Variants in PRPH observed in about 807,000 individuals in gnomAD.
PRPH encodes the protein neurofilament 4 (57kD).
PRPH carries 48 observed loss-of-function variants against 52.6 expected under a neutral mutation model. The observed-to-expected ratio is 0.91, with a 90% CI of 0.72 to 1.16. PRPH has a LOEUF of 1.16. Ranked by LOEUF, PRPH falls within the 50% of genes most tolerant of loss-of-function variation. The pLI, the probability that PRPH is intolerant of heterozygous loss-of-function variation, is 0.00. For missense variants in PRPH, 579 were observed against 635.7 expected, an observed-to-expected ratio of 0.91 and a Z score of 0.96; for synonymous variants, 279 against 283.8, an observed-to-expected ratio of 0.98 and a Z score of 0.17.
Position 49,295,406 on chromosome 12 carries a change from C to T in PRPH, c.206C>T (p.Ala69Val), listed in dbSNP as rs757810945. The change falls in exon 1 of 9, where the codon GCC becomes GTC. Residue 69 changes from alanine to valine, a missense_variant. Ala to Val is a moderately conservative substitution (Grantham distance 64). Coordinates refer to ENST00000257860, the MANE Select transcript of PRPH (RefSeq NM_006262.4). ...CGTAGCCCCCGAGCGGGAGCGGGCG[C>T]CCTCCTGCGCCTGCCCTCGGAGCGC... ...SFRSPRAGAGALLRLPSERLD... is the reference protein window; with the variant it reads ...SFRSPRAGAGVLLRLPSERLD... 1.9e-6 allele frequency: 3 copies of T among 1,605,188 alleles called. No homozygotes were observed. The highest frequency in any genetic ancestry group is 3.4e-5 in the Admixed American group (2 of 58,930).
rs139616660 is a variant in PRPH, at chr12:49,295,484, G to A, written c.284G>A (p.Ser95Asn). The stretch of plus-strand genomic sequence containing the variant: ...AACCAGGAGTTCCTGGCCACGCGCA[G>A]CAACGAGAAGCAGGAGCTGCAGGAG... ...ALNQEFLATR[S>N]NEKQELQELN... The change falls in exon 1 of 9, where the codon AGC becomes AAC. Residue 95 changes from serine (S) to asparagine (N), a missense_variant. Transcript: ENST00000257860. 2.5e-6 allele frequency: 4 copies of A among 1,608,714 alleles called. No individual in the cohort carries two copies. In the African/African-American group the frequency reaches 5.3e-5, roughly 21 times the overall value.
chr12:49,297,442 T>A lies in PRPH; in HGVS notation c.1082T>A (p.Leu361His), dbSNP rs796364482. Reference protein sequence around the residue: ...AGGYQAGAARLEEELRQLKEE... With the variant: ...AGGYQAGAARHEEELRQLKEE... ...GGCTACCAGGCGGGCGCTGCGCGGC[T>A]CGAGGAGGAGCTGCGACAGCTAAAA... The change falls in exon 6 of 9, where the codon CTC becomes CAC. Residue 361 changes from leucine to histidine, a missense_variant. By Grantham distance (99) the Leu-to-His change is moderately conservative. Coordinates refer to ENST00000257860, the MANE Select transcript of PRPH (RefSeq NM_006262.4). The surrounding 1 kb of genome is among the most constrained non-coding windows in gnomAD (Gnocchi z 4.4). 6.2e-7 allele frequency: 1 copy of A among 1,609,982 alleles called. No individual in the cohort carries two copies.
rs2137039873 is a variant in PRPH, at chr12:49,297,195, C to T, written c.918C>T (p.Arg306=). 1 of 1,614,020 alleles carries T rather than the reference C, an allele frequency of 6.2e-7. No homozygotes were observed. The highest frequency in any genetic ancestry group is 8.5e-7 in the Non-Finnish European group (1 of 1,180,002). ...DAANRNHEAL[R]QAKQEMNESR... is the part of the protein sequence containing the mutation. ...CCAACCGGAACCACGAGGCCCTGCG[C>T]CAGGCCAAGCAGGAGATGAACGAGT... The change falls in exon 5 of 9, where the codon CGC becomes CGT. Residue 306 remains arginine (R), a synonymous_variant. Coordinates refer to ENST00000257860, the MANE Select transcript of PRPH (RefSeq NM_006262.4). The surrounding 1 kb of genome is among the most constrained non-coding windows in gnomAD (Gnocchi z 4.4).
chr12:49,298,223 C>A, intron 8 of PRPH, 65 bp from the exon 9 acceptor site: 1 of 1,597,976 alleles, frequency 6.3e-7, no homozygotes, highest in South Asian at 1.1e-5. Flanking sequence ...CTCTATGATC[C>A]AAAGGAGTAG....
chr12:49,296,042 A>G lies in PRPH; in HGVS notation c.546-136A>G, dbSNP rs1447143697. The G allele has an allele frequency of 2.3e-6, 3 of 1,319,390 alleles. No individual in the cohort carries two copies. The highest frequency in any genetic ancestry group is 3.2e-6 in the Non-Finnish European group (3 of 951,782). 81.7% of individuals were successfully genotyped at this position (1,319,390 alleles called of 1,614,324 possible). On this transcript the variant is annotated intron_variant, in intron 1 of 8. Coordinates refer to ENST00000257860, the MANE Select transcript of PRPH (RefSeq NM_006262.4). The surrounding 1 kb of genome is among the most constrained non-coding windows in gnomAD (Gnocchi z 5.1). ...GTTAGAGACAATGCGGGGCAATTCC[A>G]TTAGACAGCCTCAGCCCTCCATTTA... is the stretch of plus-strand genomic sequence containing the variant.
At position 49,297,390 on chromosome 12, in the gene PRPH, G is replaced by T; in HGVS notation, c.1030G>T (p.Glu344Ter). ...EALLRQLREL[E>*]EQFALEAGGY... The stretch of plus-strand genomic sequence containing the variant: ...GCTGCTCAGGCAGTTGAGAGAGCTG[G>T]AGGAGCAGTTCGCCCTGGAGGCGGG... The change falls in exon 6 of 9, where the codon GAG becomes TAG. Residue 344 changes from glutamate (E) to a stop codon, truncating the protein, a stop_gained. Transcript: ENST00000257860. LOFTEE classifies it high-confidence loss of function. This position sits in a 1 kb window ranked among gnomAD's most constrained non-coding sequence, Gnocchi z 4.4. The T allele has an allele frequency of 6.2e-7, 1 of 1,613,634 alleles. No homozygotes were observed.
In PRPH at chr12:49,296,782, C is replaced by A; in HGVS notation, c.703-107C>A. The A allele has an allele frequency of 2.7e-6, 4 of 1,499,792 alleles. No homozygotes were observed. The highest frequency in any genetic ancestry group is 2.7e-6 in the Non-Finnish European group (3 of 1,110,466). The allele number at this position is 1,499,792 out of a possible 1,614,324, so 92.9% of individuals were successfully genotyped here. ...GGGCTGTACGCCCTGCCCTCCCTGGCGCCCACTTCTGTTCGTTCAAGCGTT... is the reference window on the plus strand; with the variant it reads ...GGGCTGTACGCCCTGCCCTCCCTGGAGCCCACTTCTGTTCGTTCAAGCGTT... On this transcript the variant is annotated intron_variant, in intron 3 of 8. Transcript: ENST00000257860. The surrounding 1 kb of genome is among the most constrained non-coding windows in gnomAD (Gnocchi z 5.1).
chr12:49,297,360 G>A lies in PRPH; in HGVS notation c.1000G>A (p.Glu334Lys), dbSNP rs774723000. 7.4e-6 allele frequency: 12 copies of A among 1,613,510 alleles called. 1 individual carries two copies. Among genetic ancestry groups the A allele is most frequent in the South Asian group, 1.1e-5 (1 of 91,088 alleles). The change falls in exon 6 of 9, where the codon GAG becomes AAG. Residue 334 changes from glutamate (E) to lysine (K), a missense_variant. Physicochemically the swap from Glu to Lys is moderately conservative, Grantham distance 56. Coordinates refer to ENST00000257860, the MANE Select transcript of PRPH (RefSeq NM_006262.4). The surrounding 1 kb of genome is among the most constrained non-coding windows in gnomAD (Gnocchi z 4.4). ...CEVDGLRGTN[E>K]ALLRQLRELE... ...CCCTTCCACTCTCCTACCCCAGAAC[G>A]AGGCGCTGCTCAGGCAGTTGAGAGA...
Position 49,295,310 on chromosome 12 carries a change from G to C in PRPH, c.110G>C (p.Ser37Thr), listed in dbSNP as rs758627336. The change falls in exon 1 of 9, where the codon AGC becomes ACC. Residue 37 changes from serine to threonine, a missense_variant. By Grantham distance (58) the Ser-to-Thr change is moderately conservative (BLOSUM62 1). Transcript: ENST00000257860. ...LSPGAFSYSS[S>T]SRFSSSRLLG... ...CCCGGGGCCTTCTCCTACTCGTCCA[G>C]CTCCCGCTTCTCCAGCAGCCGCCTG... 1 of 1,611,544 alleles carries C rather than the reference G, an allele frequency of 6.2e-7. No homozygotes were observed. The highest frequency in any genetic ancestry group is 8.5e-7 in the Non-Finnish European group (1 of 1,179,562).
At chr12:49,295,881 T>G in intron 1 of PRPH, 136 bp downstream of exon 1, 1 of 1,440,006 alleles carries the variant, frequency 6.9e-7, no homozygotes, top group Non-Finnish European at 9.1e-7. Flanking sequence ...CCCAGGTGTG[T>G]GCGGGCAGCA....
At position 49,296,431 on chromosome 12, in the gene PRPH, G is replaced by A. The variant is rs781660354; in HGVS notation, c.607-1G>A. 4.3e-6 allele frequency: 7 copies of A among 1,613,962 alleles called. No individual in the cohort carries two copies. Among genetic ancestry groups the A allele is most frequent in the Admixed American group, 1.7e-5 (1 of 59,994 alleles). ...TGAACCTCCACTGCCACCCCTCGAA[G>A]GACGTGGACGATGCCACTCTGTCCC... On this transcript the variant is annotated splice_acceptor_variant, in intron 2 of 8. Transcript: ENST00000257860. LOFTEE classifies it high-confidence loss of function. This position sits in a 1 kb window ranked among gnomAD's most constrained non-coding sequence, Gnocchi z 5.1.
At position 49,296,694 on chromosome 12, in the gene PRPH, G is replaced by A; in HGVS notation, c.702+167G>A. On this transcript the variant is annotated intron_variant, in intron 3 of 8. Transcript: ENST00000257860. This position sits in a 1 kb window ranked among gnomAD's most constrained non-coding sequence, Gnocchi z 5.1. ...TAGACTCCCACCCTTGCGCCACCTG[G>A]CGGCGGGCAGCGGGGCTGTACCTCC... 1 of 1,120,360 alleles carries A rather than the reference G, an allele frequency of 8.9e-7. No individual in the cohort carries two copies. The highest frequency in any genetic ancestry group is 1.3e-6 in the Non-Finnish European group (1 of 780,226). 69.4% of individuals were successfully genotyped at this position (1,120,360 alleles called of 1,614,324 possible).
At chr12:49,298,246 C>A (rs779434652) in intron 8 of PRPH, 42 bp from the exon 9 acceptor site, 4 of 1,611,050 alleles carry the variant, frequency 2.5e-6, no homozygotes, top group African/African-American at 2.7e-5. Context: ...TGGAGGGTGG[C>A]GCTGAATGGC....
Position 49,295,598 on chromosome 12 carries a change from G to C in PRPH, c.398G>C (p.Arg133Pro), listed in dbSNP as rs267607528. The change falls in exon 1 of 9, where the codon CGG becomes CCG. Residue 133 changes from arginine to proline, a missense_variant. By Grantham distance (103) the Arg-to-Pro change is moderately radical. Transcript: ENST00000257860. Reference sequence around the variant, plus strand: ...CTGCGCGGGGAGCTGAGCCAAGCCCGGGGCCAGGAGCCGGCGCGCGCCGAC... The same window carrying C: ...CTGCGCGGGGAGCTGAGCCAAGCCCCGGGCCAGGAGCCGGCGCGCGCCGAC... ...AALRGELSQARGQEPARADQL... is the reference protein window; with the variant it reads ...AALRGELSQAPGQEPARADQL... 2.6e-6 allele frequency: 4 copies of C among 1,552,152 alleles called. No individual in the cohort carries two copies. The highest frequency in any genetic ancestry group is 2.4e-5 in the South Asian group (2 of 84,502).
rs1240652388 is a variant in PRPH, at chr12:49,296,937, G to A, written c.751G>A (p.Val251Met). 1 of 1,613,570 alleles carries A rather than the reference G, an allele frequency of 6.2e-7. No individual in the cohort carries two copies. Among genetic ancestry groups the A allele is most frequent in the South Asian group, 1.1e-5 (1 of 91,060 alleles). Residue 251 changes from valine (V) to methionine (M), a missense_variant, in exon 4 of 9, where the codon GTG (valine) becomes ATG (methionine). Physicochemically the swap from Val to Met is conservative, Grantham distance 21. Coordinates refer to ENST00000257860, the MANE Select transcript of PRPH (RefSeq NM_006262.4). This position sits in a 1 kb window ranked among gnomAD's most constrained non-coding sequence, Gnocchi z 5.1. The stretch of plus-strand genomic sequence containing the variant: ...TGTGGAGAGCCAGCAGGTGCAGCAG[G>A]TGGAGGTGGAAGCCACGGTGAAGCC... ...VSVESQQVQQ[V>M]EVEATVKPEL... is the part of the protein sequence containing the mutation.
rs755741665 is a variant in PRPH at position 49,297,239 on chromosome 12, G to C, written c.962G>C (p.Ser321Thr). 1.2e-5 allele frequency: 19 copies of C among 1,613,948 alleles called. No individual in the cohort carries two copies. Among genetic ancestry groups the C allele is most frequent in the Non-Finnish European group, 1.6e-5 (19 of 1,180,010 alleles). The change falls in exon 5 of 9, where the codon AGT becomes ACT. Residue 321 changes from serine (S) to threonine (T), a missense_variant. By Grantham distance (58) the Ser-to-Thr change is moderately conservative (BLOSUM62 1). Coordinates refer to ENST00000257860, the MANE Select transcript of PRPH (RefSeq NM_006262.4). The surrounding 1 kb of genome is among the most constrained non-coding windows in gnomAD (Gnocchi z 4.4). The part of the protein sequence containing the change: ...EMNESRRQIQ[S>T]LTCEVDGLRG... ...AACGAGTCCCGACGCCAGATCCAGA[G>C]TCTAACGTGCGAGGTGGACGGGCTG...
chr12:49,297,920 C>T lies in PRPH; in HGVS notation c.1268-38C>T, dbSNP rs773012705. ...GGGAGCCTAAGAGGAGAGATTCCCA[C>T]GCCTTCCCCCTTGAACCCTTTATCC... On this transcript the variant is annotated intron_variant, in intron 7 of 8. Coordinates refer to ENST00000257860, the MANE Select transcript of PRPH (RefSeq NM_006262.4). The surrounding 1 kb of genome is among the most constrained non-coding windows in gnomAD (Gnocchi z 4.4). 1.6e-5 allele frequency: 25 copies of T among 1,609,618 alleles called. No homozygotes were observed. Among genetic ancestry groups the T allele is most frequent in the South Asian group, 2.2e-5 (2 of 90,984 alleles).
Position 49,296,201 on chromosome 12 carries a change from G to C in PRPH, c.569G>C (p.Arg190Pro). 6.2e-6 allele frequency: 10 copies of C among 1,612,926 alleles called. No homozygotes were observed. The highest frequency in any genetic ancestry group is 8.5e-6 in the Non-Finnish European group (10 of 1,179,918). ...AGGTTGGAGGAGGAGACGCGCAAGCGGGAGGACGCGGAGCACAACCTCGTG... is the reference window on the plus strand; with the variant it reads ...AGGTTGGAGGAGGAGACGCGCAAGCCGGAGGACGCGGAGCACAACCTCGTG... ...KQRLEEETRK[R>P]EDAEHNLVLF... Residue 190 changes from arginine to proline, a missense_variant, in exon 2 of 9, where the codon CGG becomes CCG. Transcript: ENST00000257860. The surrounding 1 kb of genome is among the most constrained non-coding windows in gnomAD (Gnocchi z 5.1).
At chr12:49,298,067 C>A (rs372729225) in intron 8 of PRPH, 30 bp downstream of exon 8, 5 of 1,604,030 alleles carry the variant, frequency 3.1e-6, no homozygotes, top group Non-Finnish European at 4.3e-6. Flanking sequence ...GCCAGGACCC[C>A]ACCATTTCCC....
Sources: gnomAD v4.1 joint callset for allele counts on GRCh38, gnomAD v4.1.1 for gene constraint, Gnocchi (gnomAD v3.1) non-coding constraint, MANE v1.5 for transcripts, NCBI Gene and HGNC (gene_info 2026-07-23, HGNC 2026-07-21) for gene names.